The following RBX1 variants were observed in gnomAD, a reference collection of about 807,000 sequenced individuals.
The protein encoded by RBX1 is ring-box 1, also known as E3 ubiquitin-protein ligase RBX1.
For missense variants in RBX1, 46 were observed against 141.4 expected (o/e 0.33, Z 3.42); for synonymous variants, 48 against 47.9 (o/e 1.00, Z -0.01).
In RBX1 at chr22:40,953,641, A is replaced by C; in HGVS notation, c.157+8A>C. ...ACCACATTATGGATCTTTGTAAGTA[A>C]TTGGAGGAGGATGGGAGGAAGTTGA... On this transcript the variant is annotated splice_region_variant and intron_variant, in intron 2 of 4. Transcript: ENST00000216225. The C allele has an allele frequency of 1.3e-6, 2 of 1,585,762 alleles. No homozygotes were observed. The highest frequency in any genetic ancestry group is 1.7e-6 in the Non-Finnish European group (2 of 1,155,368).
intron 4 of RBX1, among the ~76,000 whole-genome samples, chr22:40,968,818 A>G (rs2058360855): frequency 6.7e-6 from 1 of 150,000 alleles, no homozygotes. Flanking sequence ...TTTTGTTAAC[A>G]TAAAAGTGAG....
At chr22:40,963,966 C>T in intron 2 of RBX1, 81 bp from the exon 3 acceptor site, 1 of 1,027,964 alleles carries the variant, frequency 9.7e-7, no homozygotes, top group East Asian at 2.4e-5. Flanking sequence ...TAATTAACCA[C>T]TTGAGAATTG....
At chr22:40,960,500 A>G (rs1039295356) in intron 2 of RBX1, among the ~76,000 whole-genome samples, 1 of 152,136 alleles carries the variant, frequency 6.6e-6, no homozygotes, top group African/African-American at 2.4e-5. Context: ...AGGGTTCTTT[A>G]GGTTAGTAGT....
At position 40,956,288 on chromosome 22, in the gene RBX1, T is replaced by G. The variant is rs1311462167; in HGVS notation, c.157+2655T>G. Among the ~76,000 whole-genome samples, 8 of 152,240 alleles carry G rather than the reference T, an allele frequency of 5.3e-5. No homozygotes were observed. The East Asian group carries it at 1.5e-3, about 29-fold the overall frequency. Reference sequence around the variant, plus strand: ...ATTGAAATCCTATAACAAAAACTTATGAAAGTATTTTCTAAGTCCTATCTT... The same window carrying G: ...ATTGAAATCCTATAACAAAAACTTAGGAAAGTATTTTCTAAGTCCTATCTT... On this transcript the variant is annotated intron_variant, in intron 2 of 4. Coordinates refer to ENST00000216225, the MANE Select transcript of RBX1 (RefSeq NM_014248.4).
intron 2 of RBX1, among the ~76,000 whole-genome samples, chr22:40,960,446 A>G (rs1254608494): frequency 1.3e-5 from 2 of 152,122 alleles, no homozygotes; most frequent in African/African-American, 2.4e-5. Flanking sequence ...TGTTCCAGGT[A>G]TGGCAGGGAC....
intron 4 of RBX1, 33 bp from the exon 5 acceptor site, chr22:40,972,443 G>T: frequency 6.3e-7 from 1 of 1,578,168 alleles, no homozygotes; most frequent in South Asian, 1.1e-5. Context: ...AATTATCTTG[G>T]AATTAATCAG....
rs550196591 is a variant in RBX1, at chr22:40,951,424, C to T, written c.26C>T (p.Thr9Ile). MAAAMDVD[T>I]PSGTNSGAGK... is the part of the protein sequence containing the mutation. ...ATGGCGGCAGCGATGGATGTGGATA[C>T]CCCGAGCGGCACCAACAGCGGCGCG... is the stretch of plus-strand genomic sequence containing the variant. Residue 9 changes from threonine (T) to isoleucine (I), a missense_variant, in exon 1 of 5, where the codon ACC becomes ATC. Coordinates refer to ENST00000216225, the MANE Select transcript of RBX1 (RefSeq NM_014248.4). The T allele has an allele frequency of 2.5e-6, 4 of 1,613,378 alleles. No individual in the cohort carries two copies. The highest frequency in any genetic ancestry group is 1.3e-5 in the African/African-American group (1 of 74,944).
intron 4 of RBX1, among the ~76,000 whole-genome samples, chr22:40,970,592 A>G (rs541457142): frequency 1.3e-5 from 2 of 152,156 alleles, no homozygotes; most frequent in African/African-American, 4.8e-5. Context: ...TCATGTTTTT[A>G]TATCTCTTAC....
intron 2 of RBX1, among the ~76,000 whole-genome samples, chr22:40,961,629 C>A (rs1467628112): frequency 2.0e-5 from 3 of 152,012 alleles, no homozygotes; most frequent in African/African-American, 7.2e-5. Flanking sequence ...TGGGCTCGAT[C>A]TCCTGACCTC....
At chr22:40,955,566 C>A (rs2058323187) in intron 2 of RBX1, among the ~76,000 whole-genome samples, 1 of 152,132 alleles carries the variant, frequency 6.6e-6, no homozygotes, top group Non-Finnish European at 1.5e-5. Flanking sequence ...CTTTGAAATT[C>A]TGTGTATTTT....
Position 40,972,685 on chromosome 22 carries a change from T to A in RBX1, c.*197T>A. The A allele has an allele frequency of 1.8e-6, 1 of 548,158 alleles. No individual in the cohort carries two copies. The highest frequency in any genetic ancestry group is 3.0e-5 in the East Asian group (1 of 33,304). The allele number at this position is 548,158 out of a possible 1,614,324, so 34.0% of individuals were successfully genotyped here. ...TGGAACGGATGCTCTCTCTTGTGTA[T>A]GTGAACAAAGTGAACATAAATGAAG... is the stretch of plus-strand genomic sequence containing the variant. On this transcript the variant is annotated 3_prime_UTR_variant, in exon 5 of 5. Transcript: ENST00000216225.
chr22:40,954,882 G>A (rs1468705667), intron 2 of RBX1, among the ~76,000 whole-genome samples: 2 of 152,016 alleles, frequency 1.3e-5, no homozygotes, highest in Admixed American at 6.6e-5. Context: ...CGCCTCCCGA[G>A]TTCAAGTGAT....
chr22:40,972,451 C>A, intron 4 of RBX1, 25 bp from the exon 5 acceptor site: 1 of 1,591,550 alleles, frequency 6.3e-7, no homozygotes, highest in South Asian at 1.1e-5. Context: ...TGGAATTAAT[C>A]AGAGTAATTT....
Position 40,972,502 on chromosome 22 carries a change from C to A in RBX1, c.*14C>A. 1 of 1,594,978 alleles carries A rather than the reference C, an allele frequency of 6.3e-7. No homozygotes were observed. The highest frequency in any genetic ancestry group is 8.6e-7 in the Non-Finnish European group (1 of 1,162,726). On this transcript the variant is annotated 3_prime_UTR_variant, in exon 5 of 5. Transcript: ENST00000216225. The stretch of plus-strand genomic sequence containing the variant: ...TATGGGCACTAGGAAAAGACTTCTT[C>A]CATCAAGCTTAATTGTTTTGTTATT...
chr22:40,954,059 G>A (rs1400240056), intron 2 of RBX1, among the ~76,000 whole-genome samples: 2 of 152,046 alleles, frequency 1.3e-5, no homozygotes, highest in Non-Finnish European at 2.9e-5. Flanking sequence ...ATCATTTGAG[G>A]CCAGGAGTTG....
intron 2 of RBX1, among the ~76,000 whole-genome samples, chr22:40,963,713 G>T (rs904599356): frequency 6.6e-6 from 1 of 152,106 alleles, no homozygotes; most frequent in South Asian, 2.1e-4. Flanking sequence ...AGCTGGTGTG[G>T]TGGCACGCAC....
chr22:40,951,860 G>A (rs1380341368), intron 1 of RBX1, among the ~76,000 whole-genome samples: 1 of 152,042 alleles, frequency 6.6e-6, no homozygotes, highest in East Asian at 1.9e-4. Flanking sequence ...TGGAGGATGG[G>A]GCAGTGCGGC....
At chr22:40,954,715 C>T (rs1409819880) in intron 2 of RBX1, among the ~76,000 whole-genome samples, 1 of 151,502 alleles carries the variant, frequency 6.6e-6, no homozygotes, top group Non-Finnish European at 1.5e-5. Context: ...CTCCTGCTCA[C>T]TCTGTTAGTT....
intron 2 of RBX1, among the ~76,000 whole-genome samples, chr22:40,960,847 C>T (rs1395617026): frequency 6.6e-6 from 1 of 152,162 alleles, no homozygotes; most frequent in Non-Finnish European, 1.5e-5. Context: ...CAACCTCTGC[C>T]TGCCAGGTTC....
Sources: gnomAD v4.1 joint callset for allele counts (sites outside exome capture counted in the v4.1 genomes callset) on GRCh38, gnomAD v4.1.1 for gene constraint, MANE v1.5 for transcripts, NCBI Gene and HGNC (gene_info 2026-07-23, HGNC 2026-07-21) for gene names.